The following ZNF385D variants were observed in gnomAD, a reference collection of about 807,000 sequenced individuals.
ZNF385D encodes the protein zinc finger protein 385D.
Under a neutral mutation model 35.8 loss-of-function variants are expected in ZNF385D, and 15 were observed. That is an observed-to-expected ratio of 0.42 (90% CI 0.28 to 0.64). ZNF385D has a LOEUF of 0.64. ZNF385D is among the 30% of genes least tolerant of loss of function. The pLI is 0.23. For synonymous variants in ZNF385D, 212 were observed against 186.8 expected, an observed-to-expected ratio of 1.13 and a Z score of -1.10; for missense variants, 474 against 494.6, an observed-to-expected ratio of 0.96 and a Z score of 0.39.
At chr3:21,709,283 T>C (rs1434457917) in intron 1 of ZNF385D, among the ~76,000 whole-genome samples, 3 of 152,188 alleles carry the variant, frequency 2.0e-5, no homozygotes, top group Non-Finnish European at 2.9e-5. Context: ...GGCAGATATA[T>C]TGTGTTTTCT....
chr3:22,044,799 C>G (rs937606876), intron 3 of ZNF385D, among the ~76,000 whole-genome samples: 1 of 151,912 alleles, frequency 6.6e-6, no homozygotes, highest in African/African-American at 2.4e-5. Flanking sequence ...AAACAAAAGA[C>G]AAGAACTTAA....
At chr3:22,317,280 C>CAAAAA (rs59675675) in intron 2 of ZNF385D, among the ~76,000 whole-genome samples, 41 of 26,106 alleles carry the variant, frequency 1.6e-3, no homozygotes, top group African/African-American at 2.5e-3. Flanking sequence ...ACTCCATCTC[C>CAAAAA]AAAAAAAAAA....
chr3:22,275,911 C>A (rs189423942), intron 2 of ZNF385D, among the ~76,000 whole-genome samples: 3 of 152,140 alleles, frequency 2.0e-5, no homozygotes, highest in Non-Finnish European at 2.9e-5. Context: ...ATGGCGAAAC[C>A]CCATCTCTAC....
intron 3 of ZNF385D, among the ~76,000 whole-genome samples, chr3:22,009,200 G>A (rs189626206): frequency 2.0e-4 from 30 of 152,142 alleles, no homozygotes; most frequent in Middle Eastern, 6.8e-3. Context: ...TTAAAATTTT[G>A]TGTAAAAAAT....
At chr3:21,584,950 C>T (rs889531855) in intron 2 of ZNF385D, among the ~76,000 whole-genome samples, 3 of 152,176 alleles carry the variant, frequency 2.0e-5, no homozygotes, top group African/African-American at 4.8e-5. Context: ...TCTTTTGCAG[C>T]TATATTTCCT....
intron 3 of ZNF385D, among the ~76,000 whole-genome samples, chr3:22,012,335 T>A (rs1696628484): frequency 6.6e-6 from 1 of 152,164 alleles, no homozygotes; most frequent in African/African-American, 2.4e-5. Flanking sequence ...GATAAAATGT[T>A]TGGTCGATCC....
intron 3 of ZNF385D, among the ~76,000 whole-genome samples, chr3:21,826,098 G>A (rs937877178): frequency 6.6e-6 from 1 of 152,140 alleles, no homozygotes; most frequent in Non-Finnish European, 1.5e-5. Context: ...TGCCAAAAAC[G>A]TTGGGGACGG....
At chr3:21,697,103 T>C (rs543441634) in intron 1 of ZNF385D, among the ~76,000 whole-genome samples, 1 of 152,290 alleles carries the variant, frequency 6.6e-6, no homozygotes, top group East Asian at 1.9e-4. Context: ...ATTAACTGGC[T>C]GTGTGACTTA....
At chr3:21,784,929 G>C (rs1294929552) in intron 3 of ZNF385D, among the ~76,000 whole-genome samples, 3 of 151,912 alleles carry the variant, frequency 2.0e-5, no homozygotes. Flanking sequence ...TTTTTTAAAT[G>C]TTGCATTCAA....
intron 3 of ZNF385D, among the ~76,000 whole-genome samples, chr3:22,001,758 A>G (rs1179373257): frequency 2.0e-5 from 3 of 152,052 alleles, no homozygotes; most frequent in Non-Finnish European, 4.4e-5. Context: ...AAAAATCTAA[A>G]TCCTATAAAG....
intron 2 of ZNF385D, among the ~76,000 whole-genome samples, chr3:22,227,881 T>C (rs891431376): frequency 2.6e-5 from 4 of 152,232 alleles, no homozygotes; most frequent in Admixed American, 1.3e-4. Context: ...GCATACTGCC[T>C]GTGAGGTAGC....
At chr3:22,285,245 A>G (rs1701965276) in intron 2 of ZNF385D, among the ~76,000 whole-genome samples, 1 of 152,174 alleles carries the variant, frequency 6.6e-6, no homozygotes, top group African/African-American at 2.4e-5. Flanking sequence ...GTTTTTGGTG[A>G]TAAGAGGCTC....
intron 3 of ZNF385D, among the ~76,000 whole-genome samples, chr3:21,890,613 C>G (rs571970965): frequency 6.6e-6 from 1 of 151,512 alleles, no homozygotes; most frequent in African/African-American, 2.4e-5. Context: ...AGTGAGACTC[C>G]GTCTCAGAAA....
At chr3:21,531,889 C>G (rs936804322) in intron 3 of ZNF385D, among the ~76,000 whole-genome samples, 14 of 152,204 alleles carry the variant, frequency 9.2e-5, no homozygotes, top group African/African-American at 2.9e-4. Context: ...TAATTGCAGA[C>G]GTTGGTAATA....
intron 5 of ZNF385D, among the ~76,000 whole-genome samples, chr3:21,426,126 G>A (rs533096765): frequency 9.4e-4 from 143 of 152,244 alleles, no homozygotes; most frequent in African/African-American, 3.4e-3. Context: ...TAAACATGGT[G>A]TGTTTATAGA....
chr3:22,089,208 G>C (rs1355315239), intron 3 of ZNF385D, among the ~76,000 whole-genome samples: 12 of 152,110 alleles, frequency 7.9e-5, no homozygotes, highest in Admixed American at 7.9e-4. Flanking sequence ...TTTACCATTA[G>C]CAAAAATACT....
chr3:21,514,395 T>A (rs931362430), intron 3 of ZNF385D, among the ~76,000 whole-genome samples: 1 of 152,182 alleles, frequency 6.6e-6, no homozygotes, highest in Admixed American at 6.6e-5. Flanking sequence ...CAATAAGATT[T>A]GAGCTTTAAC....
chr3:22,247,151 C>G (rs1699827529), intron 2 of ZNF385D, among the ~76,000 whole-genome samples: 1 of 152,026 alleles, frequency 6.6e-6, no homozygotes, highest in Non-Finnish European at 1.5e-5. Context: ...ATGCAATTAT[C>G]TTGGGCCATA....
intron 1 of ZNF385D, among the ~76,000 whole-genome samples, chr3:21,679,011 C>A (rs185635962): frequency 1.3e-5 from 2 of 151,994 alleles, no homozygotes; most frequent in African/African-American, 2.4e-5. Flanking sequence ...CACCCACCCC[C>A]CAACCCCATC....
Sources: allele counts gnomAD v4.1 joint callset (sites outside exome capture counted in the v4.1 genomes callset), GRCh38; gene constraint gnomAD v4.1.1; transcripts MANE v1.5; gene names NCBI Gene and HGNC (gene_info 2026-07-23, HGNC 2026-07-21).